Variants in CELF4 observed in about 807,000 individuals in gnomAD.
The protein encoded by CELF4 is CUGBP Elav-like family member 4, also known as CUG-BP- and ETR-3-like factor 4.
Under a neutral mutation model 59.9 loss-of-function variants are expected in CELF4, and 18 were observed. That is an observed-to-expected ratio of 0.30 (90% CI 0.21 to 0.45). CELF4 has a LOEUF of 0.45. CELF4 is among the 20% of genes least tolerant of loss of function. The pLI is 1.00. For synonymous variants in CELF4, 261 were observed against 267.1 expected (o/e 0.98, Z 0.22); for missense variants, 456 against 689.0 (o/e 0.66, Z 3.79).
chr18:37,395,453 T>C (rs1008568140), intron 2 of CELF4, among the ~76,000 whole-genome samples: 1 of 152,184 alleles, frequency 6.6e-6, no homozygotes, highest in African/African-American at 2.4e-5. Context: ...GCACACTTCA[T>C]GCATAGCAGG....
intron 1 of CELF4, among the ~76,000 whole-genome samples, chr18:37,548,678 T>A (rs2154605750): frequency 6.6e-6 from 1 of 152,320 alleles, no homozygotes; most frequent in Middle Eastern, 3.4e-3. Context: ...CCTTCTCATA[T>A]GATCCTCACA....
intron 1 of CELF4, among the ~76,000 whole-genome samples, chr18:37,526,044 C>T (rs2099963494): frequency 6.6e-6 from 1 of 152,178 alleles, no homozygotes; most frequent in Non-Finnish European, 1.5e-5. Context: ...GAAGTTTGAG[C>T]ACCACTGACC....
intron 1 of CELF4, among the ~76,000 whole-genome samples, chr18:37,553,462 G>C (rs1452042481): frequency 6.6e-6 from 1 of 152,184 alleles, no homozygotes; most frequent in Admixed American, 6.5e-5. Context: ...CAGCAGTTTG[G>C]AGTTGGACCC....
At chr18:37,432,707 G>T (rs772409570) in intron 2 of CELF4, among the ~76,000 whole-genome samples, 18 of 152,192 alleles carry the variant, frequency 1.2e-4, no homozygotes, top group Non-Finnish European at 2.2e-4. Flanking sequence ...CTGTTTCAGG[G>T]CTAGTGGCAT....
chr18:37,545,558 C>A (rs1261510071), intron 1 of CELF4, among the ~76,000 whole-genome samples: 6 of 152,214 alleles, frequency 3.9e-5, no homozygotes, highest in Non-Finnish European at 7.3e-5. Context: ...ATGCATTTAG[C>A]CAGACAGCAT....
At position 37,563,605 on chromosome 18, in the gene CELF4, T is replaced by C. The variant is rs1052499219; in HGVS notation, c.286+1751A>G. ...AAAAAGAAAGTGTTTTCTTTTTTTC[T>C]TCGAATATTATTTTGAAGGCTGCCT... On this transcript the variant is annotated intron_variant, in intron 1 of 12. Transcript: ENST00000420428. Among the ~76,000 whole-genome samples the C allele has an allele frequency of 3.9e-5, 6 of 152,226 alleles. 1 individual carries two copies. Among genetic ancestry groups the C allele is most frequent in the African/African-American group, 1.4e-4 (6 of 41,534 alleles).
chr18:37,461,356 CT>C (rs2099793004), intron 2 of CELF4, among the ~76,000 whole-genome samples: 1 of 152,172 alleles, frequency 6.6e-6, no homozygotes, highest in African/African-American at 2.4e-5. Context: ...CCTCAGGAAA[CT>C]TATAATCATG....
intron 6 of CELF4, 33 bp from the exon 7 acceptor site, chr18:37,273,196 G>C (rs202245978): frequency 2.1e-5 from 33 of 1,591,024 alleles, no homozygotes; most frequent in Admixed American, 3.4e-5. Context: ...AATATCACGT[G>C]CTTCCAGGGG....
chr18:37,384,247 C>T (rs894295218), intron 2 of CELF4, among the ~76,000 whole-genome samples: 1 of 152,166 alleles, frequency 6.6e-6, no homozygotes, highest in Non-Finnish European at 1.5e-5. Context: ...CCTTCCTGAG[C>T]TGCTAAATGC....
At chr18:37,554,177 G>C (rs933859644) in intron 1 of CELF4, among the ~76,000 whole-genome samples, 1 of 152,176 alleles carries the variant, frequency 6.6e-6, no homozygotes, top group Non-Finnish European at 1.5e-5. Flanking sequence ...ATGGGAGCCA[G>C]TCCGGGGGCC....
At chr18:37,300,428 T>C (rs900755023) in intron 3 of CELF4, among the ~76,000 whole-genome samples, 4 of 152,130 alleles carry the variant, frequency 2.6e-5, no homozygotes, top group Non-Finnish European at 5.9e-5. Flanking sequence ...TTTCACCACA[T>C]TGGCCAGGCT....
chr18:37,305,203 C>G (rs577685898), intron 3 of CELF4: 2 of 152,168 alleles, frequency 1.3e-5, no homozygotes, highest in African/African-American at 4.8e-5. Flanking sequence ...ATTGCGGGTC[C>G]GGGATGGAGG....
intron 3 of CELF4, among the ~76,000 whole-genome samples, chr18:37,306,793 AC>A (rs2096431779): frequency 6.6e-6 from 1 of 152,160 alleles, no homozygotes; most frequent in Non-Finnish European, 1.5e-5. Context: ...TGATGGTGCC[AC>A]CAAAACGTAA....
chr18:37,469,472 A>C (rs2099816218), intron 2 of CELF4, among the ~76,000 whole-genome samples: 1 of 152,186 alleles, frequency 6.6e-6, no homozygotes, highest in Non-Finnish European at 1.5e-5. Flanking sequence ...AGACCCGCTG[A>C]GTTAGATCAG....
intron 11 of CELF4, among the ~76,000 whole-genome samples, chr18:37,255,528 A>G (rs1453527586): frequency 2.0e-5 from 3 of 151,150 alleles, no homozygotes; most frequent in Non-Finnish European, 2.9e-5. Flanking sequence ...CAGCTGATCC[A>G]TACGAGATTC....
rs1452993954 is a variant in CELF4 at position 37,244,491 on chromosome 18, G to T, written c.*751C>A. ...ATAGACTTGGATGAGGGTCATCAAA[G>T]CGCCTCTCAAAGTATCAAAGAACTA... On this transcript the variant is annotated 3_prime_UTR_variant, in exon 13 of 13. Transcript: ENST00000420428. 1.3e-5 allele frequency: 2 copies of T among 152,498 alleles called. No individual in the cohort carries two copies. The highest frequency in any genetic ancestry group is 2.9e-5 in the Non-Finnish European group (2 of 68,018). 9.4% of individuals were successfully genotyped at this position (152,498 alleles called of 1,614,324 possible). A position where few individuals can be genotyped will look rare whatever the true frequency, so the allele number is the denominator to read the frequency against.
chr18:37,496,133 C>G (rs1390061326), intron 1 of CELF4, among the ~76,000 whole-genome samples: 1 of 152,352 alleles, frequency 6.6e-6, no homozygotes, highest in East Asian at 1.9e-4. Context: ...CGTGTTCAAG[C>G]TGCAGCTCCT....
At chr18:37,360,199 T>C (rs767044745) in intron 2 of CELF4, among the ~76,000 whole-genome samples, 2 of 152,126 alleles carry the variant, frequency 1.3e-5, no homozygotes, top group Non-Finnish European at 2.9e-5. Context: ...TTGCTCAGCT[T>C]TGCCTGCTGA....
At chr18:37,506,376 C>T (rs181278368) in intron 1 of CELF4, among the ~76,000 whole-genome samples, 1 of 152,278 alleles carries the variant, frequency 6.6e-6, no homozygotes, top group Admixed American at 6.5e-5. Flanking sequence ...GACAGACCAG[C>T]CAGCTCCCTG....
Sources: allele counts gnomAD v4.1 joint callset (sites outside exome capture counted in the v4.1 genomes callset), GRCh38; gene constraint gnomAD v4.1.1; transcripts MANE v1.5; gene names NCBI Gene and HGNC (gene_info 2026-07-23, HGNC 2026-07-21).